UBR1: variants seen among roughly 807,000 people sequenced by gnomAD.
UBR1 encodes the protein E3 ubiquitin-protein ligase UBR1.
UBR1 carries 102 observed loss-of-function variants against 242.1 expected under a neutral mutation model. The observed-to-expected ratio is 0.42, with a 90% CI of 0.36 to 0.50. The LOEUF (loss-of-function observed/expected upper bound fraction) is 0.50. Ranked by LOEUF, UBR1 falls within the 20% of genes least tolerant of loss-of-function variation. The pLI, the probability that UBR1 is intolerant of heterozygous loss-of-function variation, is 0.01. For missense variants in UBR1, 1,772 were observed against 2,101.8 expected (o/e 0.84, Z 3.07); for synonymous variants, 675 against 684.8 (o/e 0.99, Z 0.22).
intron 32 of UBR1, among the ~76,000 whole-genome samples, chr15:43,002,095 G>C (rs961982509): frequency 2.6e-5 from 4 of 151,992 alleles, no homozygotes; most frequent in Non-Finnish European, 2.9e-5. Flanking sequence ...CCAAAAATTA[G>C]GCTTTTGATC....
chr15:43,084,206 G>C (rs184526289), intron 2 of UBR1, among the ~76,000 whole-genome samples: 2 of 151,702 alleles, frequency 1.3e-5, no homozygotes, highest in Non-Finnish European at 1.5e-5. Flanking sequence ...ATCATTTGTC[G>C]GGGGTGAACC....
At chr15:43,058,520 A>G in intron 9 of UBR1, 91 bp from the exon 10 acceptor site, 2 of 801,868 alleles carry the variant, frequency 2.5e-6, no homozygotes, top group East Asian at 2.5e-5. Flanking sequence ...GCAGAATATT[A>G]TAAAATTACT....
intron 5 of UBR1, among the ~76,000 whole-genome samples, chr15:43,068,553 C>T (rs781500579): frequency 2.0e-5 from 3 of 152,022 alleles, no homozygotes; most frequent in Admixed American, 1.3e-4. Context: ...GTTTCCTTTT[C>T]CATGTTTTTC....
At chr15:43,038,290 T>G in intron 15 of UBR1, 58 bp from the exon 16 acceptor site, 1 of 1,526,416 alleles carries the variant, frequency 6.6e-7, no homozygotes, top group South Asian at 1.1e-5. Flanking sequence ...GTTAACTAGT[T>G]AACTCATCAA....
intron 3 of UBR1, among the ~76,000 whole-genome samples, chr15:43,082,310 G>A (rs1474007018): frequency 6.6e-6 from 1 of 152,052 alleles, no homozygotes; most frequent in African/African-American, 2.4e-5. Context: ...AGATCACAAA[G>A]AAGGGTCATA....
At chr15:43,087,647 T>A (rs374812695) in intron 1 of UBR1, among the ~76,000 whole-genome samples, 6 of 152,148 alleles carry the variant, frequency 3.9e-5, no homozygotes, top group African/African-American at 1.4e-4. Flanking sequence ...AAAGGGCAAT[T>A]TGTAGACAGT....
chr15:43,071,190 C>T (rs1283927532), intron 4 of UBR1, among the ~76,000 whole-genome samples: 1 of 152,138 alleles, frequency 6.6e-6, no homozygotes, highest in Non-Finnish European at 1.5e-5. Context: ...ATGAATGTTC[C>T]TACCTGCCTT....
intron 2 of UBR1, among the ~76,000 whole-genome samples, chr15:43,083,784 T>C (rs529134419): frequency 6.6e-6 from 1 of 152,022 alleles, no homozygotes; most frequent in African/African-American, 2.4e-5. Flanking sequence ...GGCTCACACC[T>C]GTAATCCCAG....
chr15:43,088,735 C>G (rs1441914740), intron 1 of UBR1, among the ~76,000 whole-genome samples: 1 of 151,518 alleles, frequency 6.6e-6, no homozygotes, highest in African/African-American at 2.4e-5. Flanking sequence ...AATGGCTACA[C>G]AGAGGGAAGG....
chr15:43,061,043 G>A (rs1033501267), intron 6 of UBR1, among the ~76,000 whole-genome samples: 1 of 152,078 alleles, frequency 6.6e-6, no homozygotes, highest in Non-Finnish European at 1.5e-5. Context: ...CAGCTTGTAT[G>A]TATGTGATGC....
At chr15:43,020,897 C>A (rs1349654102) in intron 27 of UBR1, among the ~76,000 whole-genome samples, 2 of 152,296 alleles carry the variant, frequency 1.3e-5, no homozygotes, top group Admixed American at 6.5e-5. Flanking sequence ...CCCAAAGTAA[C>A]CCCTTACTCA....
chr15:43,063,775 C>CTGGATGCAA (rs2033716274), intron 6 of UBR1, among the ~76,000 whole-genome samples: 1 of 151,008 alleles, frequency 6.6e-6, no homozygotes, highest in African/African-American at 2.4e-5. Context: ...GTTGCCCAGG[C>CTGGATGCAA]TGGATGCAAT....
intron 40 of UBR1, among the ~76,000 whole-genome samples, chr15:42,967,052 T>C (rs1216971121): frequency 6.6e-6 from 1 of 151,872 alleles, no homozygotes; most frequent in African/African-American, 2.4e-5. Flanking sequence ...CCCGAGTATC[T>C]GGGACTAAAG....
At chr15:43,027,078 T>C (rs1222220788) in intron 22 of UBR1, among the ~76,000 whole-genome samples, 3 of 152,002 alleles carry the variant, frequency 2.0e-5, no homozygotes. Flanking sequence ...CCTTAGTAAT[T>C]TGCAAATGAA....
At chr15:43,020,239 C>T (rs1219802269) in intron 27 of UBR1, among the ~76,000 whole-genome samples, 1 of 152,058 alleles carries the variant, frequency 6.6e-6, no homozygotes, top group Non-Finnish European at 1.5e-5. Context: ...TGAGGTTTCA[C>T]CATGTTAGCC....
intron 20 of UBR1, among the ~76,000 whole-genome samples, chr15:43,030,858 A>C (rs1433127985): frequency 6.6e-6 from 1 of 152,234 alleles, no homozygotes; most frequent in East Asian, 1.9e-4. Context: ...GATGAATTCT[A>C]CAAATTTGCC....
chr15:43,072,490 C>T (rs1215128874), intron 4 of UBR1, among the ~76,000 whole-genome samples: 1 of 152,244 alleles, frequency 6.6e-6, no homozygotes, highest in East Asian at 1.9e-4. Flanking sequence ...AGTTTTACTT[C>T]TCCCTTTCCA....
chr15:43,053,096 G>A (rs137998603), intron 12 of UBR1, among the ~76,000 whole-genome samples: 1 of 152,274 alleles, frequency 6.6e-6, no homozygotes, highest in East Asian at 1.9e-4. Context: ...CACAGTACCT[G>A]CAGAACAGGT....
intron 5 of UBR1, among the ~76,000 whole-genome samples, chr15:43,068,607 C>T (rs770259595): frequency 5.9e-5 from 9 of 151,420 alleles, no homozygotes; most frequent in Admixed American, 1.3e-4. Context: ...GTTCAGTGAC[C>T]GTATGTTTTT....
Sources: allele counts gnomAD v4.1 joint callset (sites outside exome capture counted in the v4.1 genomes callset), GRCh38; gene constraint gnomAD v4.1.1; transcripts MANE v1.5; gene names NCBI Gene and HGNC (gene_info 2026-07-23, HGNC 2026-07-21).